SLC29A2: variants seen among roughly 807,000 people sequenced by gnomAD.
SLC29A2 encodes solute carrier family 29 member 2.
A neutral mutation model predicts 48.8 loss-of-function variants in SLC29A2; 37 were observed. That is an observed-to-expected ratio of 0.76 (90% CI 0.58 to 1.00). The LOEUF is 1.00. Ranked by LOEUF, SLC29A2 falls within the 50% of genes least tolerant of loss-of-function variation. The probability of loss-of-function intolerance (pLI) is 0.00; values close to 1 mark genes in which losing one functional copy is unlikely to be tolerated. For missense variants in SLC29A2, 533 were observed against 578.6 expected (o/e 0.92, Z 0.81); for synonymous variants, 233 against 261.7 (o/e 0.89, Z 1.06).
intron 10 of SLC29A2, chr11:66,364,649 C>T (rs1387422236): frequency 2.3e-5 from 12 of 511,136 alleles, no homozygotes; most frequent in East Asian, 1.4e-4. Flanking sequence ...GGACTATAGG[C>T]GCCTGCCACC....
chr11:66,368,662 G>A lies in SLC29A2; in HGVS notation c.425C>T (p.Ala142Val), dbSNP rs1461952130. The A allele has an allele frequency of 6.3e-7, 1 of 1,598,134 alleles. No individual in the cohort carries two copies. Among genetic ancestry groups the A allele is most frequent in the South Asian group, 1.1e-5 (1 of 88,400 alleles). The stretch of plus-strand genomic sequence containing the variant: ...CCCGAAGAGGCTGCCCTGTAGGACT[G>A]CACTGAAGGCTGTGGAGGACAGGGA... ...ASVCFINSFSAVLQGSLFGQL... is the reference protein window; with the variant it reads ...ASVCFINSFSVVLQGSLFGQL... The change falls in exon 5 of 12, where the codon GCA becomes GTA. Residue 142 changes from alanine to valine, a missense_variant. Ala to Val is a moderately conservative substitution (Grantham distance 64, BLOSUM62 0). Transcript: ENST00000357440.
chr11:66,366,253 G>A (rs371852018), intron 8 of SLC29A2, 22 bp from the exon 9 acceptor site: 5 of 1,609,708 alleles, frequency 3.1e-6, no homozygotes, highest in Non-Finnish European at 4.3e-6. Flanking sequence ...AGGCAGGGGT[G>A]TGAGCAGGCA....
In SLC29A2 at chr11:66,363,063, GCCT is replaced by G; in HGVS notation, c.*370_*372del. 3.1e-6 allele frequency: 1 copy of G among 322,962 alleles called. No individual in the cohort carries two copies. Among genetic ancestry groups the G allele is most frequent in the Non-Finnish European group, 6.1e-6 (1 of 164,990 alleles). The allele number at this position is 322,962 out of a possible 1,614,324, so 20.0% of individuals were successfully genotyped here. A position where few individuals can be genotyped will look rare whatever the true frequency, so the allele number is the denominator to read the frequency against. Reference sequence around the variant, plus strand: ...GGCCTGGGAAGATGAGGCGCTCCTGGCCTGGGCTGGCCCCGCCTCCCACTCTGA... The same window carrying G: ...GGCCTGGGAAGATGAGGCGCTCCTGGGGGCTGGCCCCGCCTCCCACTCTGA... On this transcript the variant is annotated 3_prime_UTR_variant, in exon 12 of 12. Coordinates refer to ENST00000357440, the MANE Select transcript of SLC29A2 (RefSeq NM_001532.3).
intron 1 of SLC29A2, 61 bp downstream of exon 1, chr11:66,371,502 G>T: frequency 2.0e-6 from 3 of 1,536,298 alleles, no homozygotes; most frequent in Non-Finnish European, 1.8e-6. Flanking sequence ...GCCTCGGAGC[G>T]CCTTCAGGGA....
In SLC29A2 at chr11:66,363,425, GA is replaced by G; in HGVS notation, c.*10del. On this transcript the variant is annotated 3_prime_UTR_variant, in exon 12 of 12. Transcript: ENST00000357440. Reference sequence around the variant, plus strand: ...CGAGAAGAGGCTGCCAAAGAGCCTGGAGGGGCCACTTCAGAGCAGCGCCTTG... The same window carrying G: ...CGAGAAGAGGCTGCCAAAGAGCCTGGGGGGCCACTTCAGAGCAGCGCCTTG... The G allele has an allele frequency of 6.3e-7, 1 of 1,592,448 alleles. No homozygotes were observed. The highest frequency in any genetic ancestry group is 8.6e-7 in the Non-Finnish European group (1 of 1,160,284).
intron 10 of SLC29A2, 122 bp from the exon 11 acceptor site, chr11:66,364,546 C>A: frequency 1.4e-6 from 1 of 713,674 alleles, no homozygotes; most frequent in Non-Finnish European, 2.3e-6. Flanking sequence ...CTCTGTTGCC[C>A]AGGCTGGAGT....
rs752771041 is a variant in SLC29A2, at chr11:66,369,173, C to T, written c.302G>A (p.Gly101Asp). The T allele has an allele frequency of 3.2e-6, 5 of 1,576,488 alleles. No homozygotes were observed. In the African/African-American group the frequency reaches 6.8e-5, roughly 21 times the overall value. The change falls in exon 4 of 12, where the codon GGC (glycine) becomes GAC (aspartate). Residue 101 changes from glycine to aspartate, a missense_variant. Gly to Asp is a moderately conservative substitution (Grantham distance 94). Transcript: ENST00000357440. ...GAGCAGCAGTATGGCCAGCAGGCTG[C>T]CCAGAATGCGCACCGTCTCCGGGAC... is the stretch of plus-strand genomic sequence containing the variant. ...QCVPETVRILGSLLAILLLFA... is the reference protein window; with the variant it reads ...QCVPETVRILDSLLAILLLFA...
At position 66,369,449 on chromosome 11, in the gene SLC29A2, G is replaced by A; in HGVS notation, c.195C>T (p.Phe65=). The A allele has an allele frequency of 6.2e-7, 1 of 1,614,138 alleles. No homozygotes were observed. Among genetic ancestry groups the A allele is most frequent in the South Asian group, 1.1e-5 (1 of 91,088 alleles). ...STNHTGPEDA[F]NFNNWVTLLS... is the part of the protein sequence containing the mutation. ...GCAGCGTCACCCAATTGTTGAAGTT[G>A]AAGGCATCCTCGGGACCCGTGTGGT... The change falls in exon 3 of 12, where the codon TTC becomes TTT. Residue 65 remains phenylalanine (F), a synonymous_variant. Transcript: ENST00000357440.
At chr11:66,370,115 CTG>C in intron 2 of SLC29A2, among the ~76,000 whole-genome samples, 1 of 152,366 alleles carries the variant, frequency 6.6e-6, no homozygotes, top group Non-Finnish European at 1.5e-5. Flanking sequence ...TCTAAACAGG[CTG>C]ATCGTCTCTT....
In SLC29A2 at chr11:66,367,818, A is replaced by G. The variant is rs1263822500; in HGVS notation, c.602T>C (p.Val201Ala). Residue 201 changes from valine (V) to alanine (A), a missense_variant, in exon 6 of 12, where the codon GTG becomes GCG. Coordinates refer to ENST00000357440, the MANE Select transcript of SLC29A2 (RefSeq NM_001532.3). The part of the protein sequence containing the change: ...SALGYFITPC[V>A]GILMSIVCYL... ...ACACACGATGGACATGAGGATGCCC[A>G]CACAGGGCGTGATAAAGTACCCCAG... The G allele has an allele frequency of 6.2e-7, 1 of 1,614,206 alleles. No homozygotes were observed. The highest frequency in any genetic ancestry group is 1.7e-5 in the Admixed American group (1 of 60,032).
upstream of SLC29A2, chr11:66,371,775 G>T (rs1003032975): frequency 1.6e-6 from 1 of 612,364 alleles, no homozygotes; most frequent in Non-Finnish European, 2.8e-6. Context: ...TCCGCAGGCT[G>T]GGACCTGGGC....
rs965001186 is a variant in SLC29A2 at position 66,371,239 on chromosome 11, C to G, written c.111+5G>C. 1 of 1,612,960 alleles carries G rather than the reference C, an allele frequency of 6.2e-7. No homozygotes were observed. Among genetic ancestry groups the G allele is most frequent in the African/African-American group, 1.3e-5 (1 of 75,036 alleles). ...ACGAGGCTGCCACGCCGCCAGGAGT[C>G]TCACCGGGATGGCGGTGATGAAGAA... On this transcript the variant is annotated splice_donor_5th_base_variant and intron_variant, in intron 2 of 11. Transcript: ENST00000357440.
At chr11:66,368,266 T>C (rs1272736481) in intron 5 of SLC29A2, among the ~76,000 whole-genome samples, 1 of 152,018 alleles carries the variant, frequency 6.6e-6, no homozygotes, top group Non-Finnish European at 1.5e-5. Context: ...CCCATCCCCT[T>C]ATCCTTCAAC....
upstream of SLC29A2, chr11:66,371,783 G>A: frequency 1.7e-6 from 1 of 595,436 alleles, no homozygotes; most frequent in Admixed American, 3.1e-5. Flanking sequence ...CTGGGACCTG[G>A]GCTCCGCCCC....
At position 66,367,051 on chromosome 11, in the gene SLC29A2, AG is replaced by A. The variant is rs1855739240; in HGVS notation, c.733+412del. 2.0e-5 allele frequency among the ~76,000 whole-genome samples: 3 copies of A among 152,236 alleles called. No homozygotes were observed. In the South Asian group the frequency reaches 6.2e-4, roughly 32 times the overall value. On this transcript the variant is annotated intron_variant, in intron 7 of 11. Transcript: ENST00000357440. ...CATGATGGAAATATGCATAGCTACCAGGAAGCGCGTGCATGGGTCGGGTGAT... is the reference window on the plus strand; with the variant it reads ...CATGATGGAAATATGCATAGCTACCAGAAGCGCGTGCATGGGTCGGGTGAT...
At position 66,365,958 on chromosome 11, in the gene SLC29A2, C is replaced by A; in HGVS notation, c.1037G>T (p.Ser346Ile). ...TACCCACAGGAAGTAAGAGGTCAGG[C>A]TCCGTCCCAGCCAGTCCATGATGTT... ...LFNIMDWLGR[S>I]LTSYFLWPDE... Residue 346 changes from serine (S) to isoleucine (I), a missense_variant, in exon 10 of 12, where the codon AGC becomes ATC. Ser to Ile is a moderately radical substitution (Grantham distance 142, BLOSUM62 -2). Coordinates refer to ENST00000357440, the MANE Select transcript of SLC29A2 (RefSeq NM_001532.3). 6.2e-7 allele frequency: 1 copy of A among 1,614,220 alleles called. No homozygotes were observed. Among genetic ancestry groups the A allele is most frequent in the Non-Finnish European group, 8.5e-7 (1 of 1,180,028 alleles).
intron 10 of SLC29A2, chr11:66,364,828 T>TTG (rs55776036): frequency 0.34 from 54,247 of 160,600 alleles, 9,126 homozygotes; most frequent in African/African-American, 0.44. Context: ...CATTAAAAAT[T>TTG]TGTGTGTGTG....
chr11:66,371,833 C>T, upstream of SLC29A2: 1 of 554,912 alleles, frequency 1.8e-6, no homozygotes. Context: ...TCTCTCCTTC[C>T]CCCACCCGCC....
At chr11:66,368,479 C>G in intron 5 of SLC29A2, 58 bp downstream of exon 5, 2 of 1,609,462 alleles carry the variant, frequency 1.2e-6, no homozygotes, top group Non-Finnish European at 1.7e-6. Flanking sequence ...CACATGCCCT[C>G]TCTCTTCCCC....
Sources: gnomAD v4.1 joint callset for allele counts (sites outside exome capture counted in the v4.1 genomes callset) on GRCh38, gnomAD v4.1.1 for gene constraint, MANE v1.5 for transcripts, NCBI Gene and HGNC (gene_info 2026-07-23, HGNC 2026-07-21) for gene names.